The following PARD3 variants were observed in gnomAD, a reference collection of about 807,000 sequenced individuals.
The protein encoded by PARD3 is par-3 family cell polarity regulator, also known as partitioning defective 3 homolog.
A neutral mutation model predicts 155.4 loss-of-function variants in PARD3; 75 were observed. The observed-to-expected ratio is 0.48, with a 90% CI of 0.40 to 0.58. The LOEUF (loss-of-function observed/expected upper bound fraction) is 0.58, where lower values mean the gene tolerates loss of function less well. Ranked by LOEUF, PARD3 falls within the 20% of genes least tolerant of loss-of-function variation. The pLI, the probability that PARD3 is intolerant of heterozygous loss-of-function variation, is 0.00. For missense variants in PARD3, 1,642 were observed against 1,721.7 expected (o/e 0.95, Z 0.82); for synonymous variants, 576 against 610.5 (o/e 0.94, Z 0.83).
At chr10:34,730,081 G>A (rs1392964919) in intron 1 of PARD3, among the ~76,000 whole-genome samples, 1 of 152,032 alleles carries the variant, frequency 6.6e-6, no homozygotes, top group African/African-American at 2.4e-5. Context: ...ATAAAATAAT[G>A]TCTCAGGGCT....
intron 3 of PARD3, among the ~76,000 whole-genome samples, chr10:34,475,473 CATAA>C (rs2078645766): frequency 6.6e-6 from 1 of 152,144 alleles, no homozygotes; most frequent in South Asian, 2.1e-4. Context: ...GATACCACAC[CATAA>C]CTCGACCAGT....
At chr10:34,579,053 C>A (rs1269912236) in intron 2 of PARD3, among the ~76,000 whole-genome samples, 1 of 152,106 alleles carries the variant, frequency 6.6e-6, no homozygotes, top group Non-Finnish European at 1.5e-5. Context: ...GGGTGGATCA[C>A]AGAGTCAGGA....
chr10:34,578,524 T>C (rs747230813), intron 2 of PARD3, among the ~76,000 whole-genome samples: 32 of 152,220 alleles, frequency 2.1e-4, no homozygotes, highest in Non-Finnish European at 2.2e-4. Context: ...ATTGAGAACA[T>C]AGTATATGCC....
chr10:34,204,399 G>C (rs552776774), intron 22 of PARD3, among the ~76,000 whole-genome samples: 1 of 152,220 alleles, frequency 6.6e-6, no homozygotes, highest in Admixed American at 6.5e-5. Flanking sequence ...TCACGGCGCA[G>C]TGTTGGCAGG....
At chr10:34,780,129 T>C (rs1045432506) in intron 1 of PARD3, among the ~76,000 whole-genome samples, 1 of 152,372 alleles carries the variant, frequency 6.6e-6, no homozygotes, top group Admixed American at 6.5e-5. Flanking sequence ...CTGCTTCTTT[T>C]GTATGAATGG....
chr10:34,651,614 A>T (rs1267139897), intron 2 of PARD3, among the ~76,000 whole-genome samples: 1 of 152,190 alleles, frequency 6.6e-6, no homozygotes, highest in Non-Finnish European at 1.5e-5. Flanking sequence ...ACAGATCAAC[A>T]AAGGCCAGGC....
intron 5 of PARD3, among the ~76,000 whole-genome samples, chr10:34,415,115 G>C (rs572764845): frequency 6.6e-6 from 1 of 152,240 alleles, no homozygotes; most frequent in African/African-American, 2.4e-5. Flanking sequence ...TGCAAGAACT[G>C]GTATGAAGAA....
rs1023144668 is a variant in PARD3 at position 34,287,452 on chromosome 10, G to A, written c.3066-3207C>T. ...TTGAGAAACACCATGCTGTGACACC[G>A]AGAACAATCTACTCTCTATCTGTAC... On this transcript the variant is annotated intron_variant, in intron 20 of 24. Coordinates refer to ENST00000374788, the MANE Select transcript of PARD3 (RefSeq NM_001184785.2). Among the ~76,000 whole-genome samples the A allele has an allele frequency of 2.6e-5, 4 of 151,934 alleles. No individual in the cohort carries two copies. In the East Asian group the frequency reaches 5.8e-4, roughly 22 times the overall value.
intron 5 of PARD3, among the ~76,000 whole-genome samples, chr10:34,420,522 T>C (rs932205245): frequency 1.3e-5 from 2 of 152,214 alleles, no homozygotes; most frequent in African/African-American, 4.8e-5. Context: ...CGCCTCACTA[T>C]GTTTGCATCC....
At chr10:34,230,486 A>G (rs1952864274) in intron 22 of PARD3, among the ~76,000 whole-genome samples, 1 of 152,146 alleles carries the variant, frequency 6.6e-6, no homozygotes, top group African/African-American at 2.4e-5. Context: ...GAAGAAATAG[A>G]CTGAAAGTTT....
rs114240947 is a variant in PARD3, at chr10:34,177,196, A to G, written c.3420-45613T>C. The stretch of plus-strand genomic sequence containing the variant: ...GCAAGAAAGAGCAAAAGGATATATA[A>G]TATTTAAAAAATATAAAATATTTCA... On this transcript the variant is annotated intron_variant, in intron 22 of 24. Coordinates refer to ENST00000374788, the MANE Select transcript of PARD3 (RefSeq NM_001184785.2). Among the ~76,000 whole-genome samples the G allele has an allele frequency of 4.3e-3, 660 of 152,298 alleles. 4 individuals are homozygous for G. The highest frequency in any genetic ancestry group is 0.014 in the African/African-American group (598 of 41,570).
chr10:34,115,128 A>G (rs1946595344), intron 24 of PARD3, among the ~76,000 whole-genome samples: 1 of 152,198 alleles, frequency 6.6e-6, no homozygotes, highest in African/African-American at 2.4e-5. Context: ...AGAAGGAGGA[A>G]GACAGAGGGA....
intron 7 of PARD3, among the ~76,000 whole-genome samples, chr10:34,387,969 C>T (rs537247100): frequency 2.6e-5 from 4 of 151,984 alleles, no homozygotes; most frequent in African/African-American, 7.3e-5. Flanking sequence ...ACACCACACA[C>T]GTATAGAAAC....
In PARD3 at chr10:34,788,059, C is replaced by T. The variant is rs74494347; in HGVS notation, c.120+26817G>A. 8.8e-3 allele frequency among the ~76,000 whole-genome samples: 1,335 copies of T among 151,522 alleles called. 11 individuals carry two copies. Among genetic ancestry groups the T allele is most frequent in the Non-Finnish European group, 0.011 (780 of 67,946 alleles). The stretch of plus-strand genomic sequence containing the variant: ...TTGGCCTCCGAAAGTGTTGGGACTA[C>T]AGGTATAAGTAACGTCGCCCCAGCC... On this transcript the variant is annotated intron_variant, in intron 1 of 24. Transcript: ENST00000374788.
At chr10:34,700,593 A>G (rs1188431537) in intron 1 of PARD3, among the ~76,000 whole-genome samples, 1 of 152,208 alleles carries the variant, frequency 6.6e-6, no homozygotes, top group Non-Finnish European at 1.5e-5. Flanking sequence ...ATCTATGTTG[A>G]TAAAAAAAAA....
chr10:34,702,618 GA>G (rs572836961), intron 1 of PARD3, among the ~76,000 whole-genome samples: 1 of 152,266 alleles, frequency 6.6e-6, no homozygotes, highest in South Asian at 2.1e-4. Flanking sequence ...ACTGATTACA[GA>G]AAAATCCAGC....
At chr10:34,495,697 C>G (rs1014319221) in intron 3 of PARD3, among the ~76,000 whole-genome samples, 1 of 152,154 alleles carries the variant, frequency 6.6e-6, no homozygotes, top group Non-Finnish European at 1.5e-5. Flanking sequence ...CTGCTACCAA[C>G]AGCTCTCAGG....
intron 22 of PARD3, among the ~76,000 whole-genome samples, chr10:34,220,328 T>C (rs1457752362): frequency 6.6e-6 from 1 of 152,112 alleles, no homozygotes; most frequent in Admixed American, 6.5e-5. Context: ...TTTGAAAAAG[T>C]ATGTTGTGAA....
intron 12 of PARD3, among the ~76,000 whole-genome samples, chr10:34,371,439 G>A (rs1840601028): frequency 7.8e-6 from 1 of 128,940 alleles, no homozygotes; most frequent in African/African-American, 2.7e-5. Context: ...TTGAGCTCAG[G>A]AGGTCAAGGC....
Sources: allele counts gnomAD v4.1 joint callset (sites outside exome capture counted in the v4.1 genomes callset), GRCh38; gene constraint gnomAD v4.1.1; transcripts MANE v1.5; gene names NCBI Gene and HGNC (gene_info 2026-07-23, HGNC 2026-07-21).